TRHDE: variants seen among roughly 807,000 people sequenced by gnomAD.
The protein encoded by TRHDE is thyrotropin releasing hormone degrading enzyme, also known as thyrotropin-releasing hormone-degrading ectoenzyme.
In TRHDE, 72 loss-of-function variants were observed where a neutral mutation model predicts 125.7. The ratio of observed to expected loss-of-function variants is 0.57; its 90% CI spans 0.47 to 0.70. The LOEUF (loss-of-function observed/expected upper bound fraction) is 0.70. Ranked by LOEUF, TRHDE falls within the 30% of genes least tolerant of loss-of-function variation. The pLI is 0.00. For synonymous variants in TRHDE, 509 were observed against 509.1 expected (o/e 1.00, Z 0.00); for missense variants, 1,110 against 1,327.1 (o/e 0.84, Z 2.54).
intron 15 of TRHDE, among the ~76,000 whole-genome samples, chr12:72,648,600 CA>C (rs1464573226): frequency 1.3e-5 from 2 of 151,850 alleles, no homozygotes; most frequent in African/African-American, 4.8e-5. Flanking sequence ...TGTACACTAA[CA>C]ATAAACTATC....
At chr12:72,289,880 G>A (rs1185538756) in intron 2 of TRHDE, among the ~76,000 whole-genome samples, 5 of 152,058 alleles carry the variant, frequency 3.3e-5, no homozygotes, top group African/African-American at 1.2e-4. Flanking sequence ...AATCCAGACC[G>A]CTTTTATTCT....
intron 2 of TRHDE, among the ~76,000 whole-genome samples, chr12:72,243,065 G>A (rs1878513782): frequency 6.6e-6 from 1 of 152,074 alleles, no homozygotes; most frequent in Admixed American, 6.6e-5. Context: ...GTGACATCTG[G>A]GACTACTGCT....
At chr12:72,093,978 A>G (rs1485345516) in intron 1 of TRHDE, among the ~76,000 whole-genome samples, 5 of 152,180 alleles carry the variant, frequency 3.3e-5, no homozygotes, top group Non-Finnish European at 7.3e-5. Flanking sequence ...TTTGGCAGGT[A>G]AAGACCTTCT....
chr12:72,446,240 G>A (rs1875277437), intron 3 of TRHDE, among the ~76,000 whole-genome samples: 1 of 149,750 alleles, frequency 6.7e-6, no homozygotes, highest in South Asian at 2.1e-4. Flanking sequence ...CCATGTTGGT[G>A]TGCTGCACCC....
Position 72,378,012 on chromosome 12 carries a change from A to G in TRHDE, c.1206A>G (p.Arg402=). The G allele has an allele frequency of 6.3e-7, 1 of 1,595,284 alleles. No individual in the cohort carries two copies. Among genetic ancestry groups the G allele is most frequent in the Non-Finnish European group, 8.5e-7 (1 of 1,172,272 alleles). ...TTAATTAGGTACGATTATATGCAAG[A>G]CCTGATGCTATCAGAAGAGGATCCG... is the stretch of plus-strand genomic sequence containing the variant. ...KSGVVVRLYA[R]PDAIRRGSGD... Residue 402 remains arginine, a synonymous_variant, in exon 3 of 19, where the codon AGA becomes AGG. Coordinates refer to ENST00000261180, the MANE Select transcript of TRHDE (RefSeq NM_013381.3).
intron 6 of TRHDE, among the ~76,000 whole-genome samples, chr12:72,502,595 T>C (rs1050409184): frequency 3.9e-5 from 6 of 152,174 alleles, no homozygotes; most frequent in Non-Finnish European, 5.9e-5. Context: ...TTGGTAAATG[T>C]ACTGTATCCA....
intron 2 of TRHDE, among the ~76,000 whole-genome samples, chr12:72,364,376 C>T (rs1159824673): frequency 6.6e-6 from 1 of 151,966 alleles, no homozygotes; most frequent in Non-Finnish European, 1.5e-5. Flanking sequence ...GTGATGCTTT[C>T]CTTGGCATTG....
chr12:72,339,908 GC>G (rs1285599316), intron 2 of TRHDE, among the ~76,000 whole-genome samples: 21 of 152,218 alleles, frequency 1.4e-4, no homozygotes, highest in African/African-American at 4.8e-4. Context: ...AGGGGTAAGG[GC>G]AAAATAAATG....
intron 4 of TRHDE, among the ~76,000 whole-genome samples, chr12:72,470,449 A>G (rs1369638167): frequency 6.6e-6 from 1 of 152,214 alleles, no homozygotes; most frequent in Non-Finnish European, 1.5e-5. Context: ...AGAAATTCAT[A>G]TGTAAATTTG....
intron 15 of TRHDE, among the ~76,000 whole-genome samples, chr12:72,649,052 T>C (rs1444418224): frequency 6.6e-5 from 10 of 151,912 alleles, no homozygotes; most frequent in Non-Finnish European, 1.2e-4. Flanking sequence ...ACAATTCATA[T>C]GGAACCACAA....
chr12:72,101,690 C>A (rs1875071274), intron 1 of TRHDE, among the ~76,000 whole-genome samples: 1 of 152,162 alleles, frequency 6.6e-6, no homozygotes, highest in African/African-American at 2.4e-5. Context: ...ATAGTGTAAT[C>A]CTTTAGTAGA....
Position 72,325,271 on chromosome 12 carries a change from C to T in TRHDE, c.1188+38317C>T, listed in dbSNP as rs147904083. ...TATTTCTTCAGTTTAAATCTGTACCCCCCAGTTTTATTCTCACATAGCCAC... is the reference window on the plus strand; with the variant it reads ...TATTTCTTCAGTTTAAATCTGTACCTCCCAGTTTTATTCTCACATAGCCAC... On this transcript the variant is annotated intron_variant, in intron 2 of 18. Coordinates refer to ENST00000261180, the MANE Select transcript of TRHDE (RefSeq NM_013381.3). Among the ~76,000 whole-genome samples the T allele has an allele frequency of 6.8e-3, 1,029 of 151,978 alleles. 12 individuals are homozygous for T. Among genetic ancestry groups the T allele is most frequent in the African/African-American group, 0.024 (975 of 41,446 alleles).
chr12:72,380,762 C>CCTTG (rs1405305115), intron 3 of TRHDE, among the ~76,000 whole-genome samples: 5 of 71,744 alleles, frequency 7.0e-5, no homozygotes, highest in Non-Finnish European at 8.1e-5. Context: ...TTCCTTCCTT[C>CCTTG]CTTGCTTCCT....
chr12:72,259,943 T>TTA (rs1337736575), intron 2 of TRHDE, among the ~76,000 whole-genome samples: 1 of 152,220 alleles, frequency 6.6e-6, no homozygotes, highest in Non-Finnish European at 1.5e-5. Context: ...TGTAGTGAAT[T>TTA]GGTAACAGTG....
chr12:72,341,234 T>A (rs1870071997), intron 2 of TRHDE, among the ~76,000 whole-genome samples: 1 of 151,784 alleles, frequency 6.6e-6, no homozygotes, highest in South Asian at 2.1e-4. Context: ...GCTGCACCCA[T>A]CAGCTCATCA....
chr12:72,528,554 C>T (rs971936293), intron 6 of TRHDE, among the ~76,000 whole-genome samples: 1 of 151,888 alleles, frequency 6.6e-6, no homozygotes, highest in Non-Finnish European at 1.5e-5. Context: ...CTCGCTTTGT[C>T]CTCAGCTCAC....
intron 2 of TRHDE, among the ~76,000 whole-genome samples, chr12:72,327,783 A>G (rs375687123): frequency 3.2e-4 from 48 of 152,316 alleles, no homozygotes; most frequent in African/African-American, 1.1e-3. Context: ...CATAAAATTA[A>G]CACCTAAGCT....
At chr12:72,465,038 C>G (rs1261204494) in intron 3 of TRHDE, among the ~76,000 whole-genome samples, 1 of 152,036 alleles carries the variant, frequency 6.6e-6, no homozygotes, top group Non-Finnish European at 1.5e-5. Flanking sequence ...GATTCTGAAA[C>G]ATTTGAATTT....
chr12:72,147,453 G>A (rs1876256226), intron 2 of TRHDE: 1 of 152,084 alleles, frequency 6.6e-6, no homozygotes, highest in Non-Finnish European at 1.5e-5. Flanking sequence ...TTTACCTAAA[G>A]GAATATGATA....
Sources: gnomAD v4.1 joint callset for allele counts (sites outside exome capture counted in the v4.1 genomes callset) on GRCh38, gnomAD v4.1.1 for gene constraint, MANE v1.5 for transcripts, NCBI Gene and HGNC (gene_info 2026-07-23, HGNC 2026-07-21) for gene names.